APOD: variants seen among roughly 807,000 people sequenced by gnomAD.
APOD encodes apolipoprotein D.
A neutral mutation model predicts 20.4 loss-of-function variants in APOD; 22 were observed. That is an observed-to-expected ratio of 1.08 (90% CI 0.77 to 1.54). The LOEUF is 1.54. Among genes scored for constraint, APOD ranks in the 40% most tolerant of loss-of-function variants. The pLI is 0.00. For missense variants in APOD, 223 were observed against 229.6 expected (o/e 0.97, Z 0.19); for synonymous variants, 97 against 92.4 (o/e 1.05, Z -0.29).
chr3:195,575,342 A>G (rs1276798542), intron 2 of APOD, among the ~76,000 whole-genome samples: 2 of 152,232 alleles, frequency 1.3e-5, no homozygotes, highest in African/African-American at 4.8e-5. Context: ...CTCAAGGCTC[A>G]TAACTTCGAT....
At chr3:195,570,834 G>A (rs1348181826) in intron 4 of APOD, 1 of 167,466 alleles carries the variant, frequency 6.0e-6, no homozygotes, top group Non-Finnish European at 1.3e-5. Context: ...AGTGGCAGAA[G>A]CAGGATTCAA....
rs552290013 is a variant in APOD at position 195,575,536 on chromosome 3, T to C, written c.124-1565A>G. 2.0e-5 allele frequency among the ~76,000 whole-genome samples: 3 copies of C among 152,330 alleles called. No individual in the cohort carries two copies. In the East Asian group the frequency reaches 5.8e-4, roughly 29 times the overall value. On this transcript the variant is annotated intron_variant, in intron 2 of 4. Coordinates refer to ENST00000343267, the MANE Select transcript of APOD (RefSeq NM_001647.4). ...TTGCTACTGGGGAGGGAAACTGAGG[T>C]ACAGAGGTGGGAGGGAAACTTTATG...
At chr3:195,572,019 A>AATG in intron 3 of APOD, among the ~76,000 whole-genome samples, 1 of 152,174 alleles carries the variant, frequency 6.6e-6, no homozygotes, top group Non-Finnish European at 1.5e-5. Flanking sequence ...GACCTCAGGC[A>AATG]ATCTACCTGC....
At chr3:195,571,441 G>A (rs549369106) in intron 3 of APOD, 76 bp from the exon 4 acceptor site, 630 of 1,330,894 alleles carry the variant, frequency 4.7e-4, no homozygotes, top group Non-Finnish European at 5.7e-4. Context: ...AAGCCAATAA[G>A]CAACGAAAGG....
Position 195,571,370 on chromosome 3 carries a change from A to C in APOD, c.246-5T>G, listed in dbSNP as rs1251321578. 3.1e-6 allele frequency: 5 copies of C among 1,599,480 alleles called. No individual in the cohort carries two copies. In the African/African-American group the frequency reaches 4.1e-5, roughly 13 times the overall value. ...TGATTCACAGTTCCATCAGCTCTGC[A>C]GTGAGTTAAAAAAAGAAAAAATACA... is the stretch of plus-strand genomic sequence containing the variant. On this transcript the variant is annotated splice_region_variant and splice_polypyrimidine_tract_variant and intron_variant, in intron 3 of 4. Transcript: ENST00000343267.
chr3:195,568,876 G>T lies in APOD; in HGVS notation c.*24C>A. 1 of 1,564,022 alleles carries T rather than the reference G, an allele frequency of 6.4e-7. No individual in the cohort carries two copies. Among genetic ancestry groups the T allele is most frequent in the Non-Finnish European group, 8.8e-7 (1 of 1,134,916 alleles). On this transcript the variant is annotated 3_prime_UTR_variant, in exon 5 of 5. Coordinates refer to ENST00000343267, the MANE Select transcript of APOD (RefSeq NM_001647.4). ...GCGAAGCAGAAGTAACATGGAGTGG[G>T]TGCAGCCTCCCTGTAGAACCTGGTT...
At chr3:195,580,370 T>TTC (rs1410618902) in intron 1 of APOD, among the ~76,000 whole-genome samples, 1 of 146,700 alleles carries the variant, frequency 6.8e-6, no homozygotes, top group Non-Finnish European at 1.5e-5. Context: ...TCTTTCTTCT[T>TTC]TTTTTTTTTT....
intron 4 of APOD, among the ~76,000 whole-genome samples, chr3:195,569,782 CTTCG>C (rs1720126077): frequency 9.3e-6 from 1 of 107,160 alleles, no homozygotes; most frequent in African/African-American, 3.6e-5. Flanking sequence ...CCTTCTTCTT[CTTCG>C]TTTTTTTTTT....
chr3:195,574,712 G>C (rs1175514478), intron 2 of APOD, among the ~76,000 whole-genome samples: 2 of 152,176 alleles, frequency 1.3e-5, no homozygotes, highest in African/African-American at 4.8e-5. Context: ...TATGTGTAAA[G>C]TTATTCATTA....
intron 4 of APOD, chr3:195,570,694 C>T (rs931257986): frequency 6.4e-6 from 1 of 156,106 alleles, no homozygotes; most frequent in Admixed American, 6.2e-5. Flanking sequence ...TCTAGTGTAT[C>T]TTCGTCGGAA....
intron 2 of APOD, among the ~76,000 whole-genome samples, chr3:195,578,939 C>T (rs1720290473): frequency 6.6e-6 from 1 of 152,220 alleles, no homozygotes; most frequent in Non-Finnish European, 1.5e-5. Flanking sequence ...CCCTGTGTCT[C>T]TCCTCTGCCA....
At chr3:195,569,413 T>G (rs2108967030) in intron 4 of APOD, among the ~76,000 whole-genome samples, 1 of 152,150 alleles carries the variant, frequency 6.6e-6, no homozygotes. Context: ...AGCGTTATAG[T>G]CATCACCCAT....
At chr3:195,582,858 G>C (rs1418793337) in intron 1 of APOD, 1 of 152,098 alleles carries the variant, frequency 6.6e-6, no homozygotes, top group Admixed American at 6.6e-5. Context: ...GCTTGAACCT[G>C]GGAGGCGGAG....
intron 1 of APOD, chr3:195,583,280 T>C (rs951573291): frequency 6.6e-6 from 1 of 152,200 alleles, no homozygotes; most frequent in African/African-American, 2.4e-5. Context: ...CCCGCGCTCT[T>C]AGTGCCTGGG....
At chr3:195,574,259 A>G (rs1720215153) in intron 2 of APOD, among the ~76,000 whole-genome samples, 1 of 152,164 alleles carries the variant, frequency 6.6e-6, no homozygotes, top group Non-Finnish European at 1.5e-5. Flanking sequence ...GATGGGAAAT[A>G]CCTTTCATCT....
At chr3:195,572,070 C>T (rs571764242) in intron 3 of APOD, among the ~76,000 whole-genome samples, 5 of 152,360 alleles carry the variant, frequency 3.3e-5, no homozygotes, top group Admixed American at 1.3e-4. Flanking sequence ...CGTGAGCCGC[C>T]GTGCCTGGCA....
At chr3:195,572,253 A>G (rs1044476896) in intron 3 of APOD, among the ~76,000 whole-genome samples, 7 of 152,232 alleles carry the variant, frequency 4.6e-5, no homozygotes, top group African/African-American at 1.7e-4. Context: ...GACTCCCTCT[A>G]GTTCAGCAAG....
At chr3:195,576,445 CAAAACCA>C (rs1720248859) in intron 2 of APOD, among the ~76,000 whole-genome samples, 1 of 152,252 alleles carries the variant, frequency 6.6e-6, no homozygotes, top group South Asian at 2.1e-4. Context: ...AAAACAGAGA[CAAAACCA>C]AAAACTATTG....
In APOD at chr3:195,579,346, A is replaced by G. The variant is rs1393345216; in HGVS notation, c.116T>C (p.Val39Ala). The G allele has an allele frequency of 6.2e-7, 1 of 1,614,156 alleles. No homozygotes were observed. Among genetic ancestry groups the G allele is most frequent in the Admixed American group, 1.7e-5 (1 of 60,004 alleles). ...PNPPVQENFD[V>A]NKYLGRWYEI... ...GGGAGGTTCGCCTTTTACCTTATTC[A>G]CGTCAAAATTCTCCTGCACCGGAGG... Residue 39 changes from valine (V) to alanine (A), a missense_variant, in exon 2 of 5, where the codon GTG becomes GCG. Physicochemically the swap from Val to Ala is moderately conservative, Grantham distance 64 (BLOSUM62 0). Transcript: ENST00000343267.
Sources: gnomAD v4.1 joint callset for allele counts (sites outside exome capture counted in the v4.1 genomes callset) on GRCh38, gnomAD v4.1.1 for gene constraint, MANE v1.5 for transcripts, NCBI Gene and HGNC (gene_info 2026-07-23, HGNC 2026-07-21) for gene names.